Variants in FHIT observed in about 807,000 individuals in gnomAD.
FHIT encodes the protein fragile histidine triad diadenosine triphosphatase, also known as bis(5'-adenosyl)-triphosphatase.
In FHIT, 19 loss-of-function variants were observed where a neutral mutation model predicts 17.9. The ratio of observed to expected loss-of-function variants is 1.06; its 90% CI spans 0.74 to 1.56. The LOEUF (loss-of-function observed/expected upper bound fraction) is 1.56, where lower values mean the gene tolerates loss of function less well. Among genes scored for constraint, FHIT ranks in the 40% most tolerant of loss-of-function variants. The pLI is 0.00. For missense variants in FHIT, 248 were observed against 189.2 expected (o/e 1.31, Z -1.82); for synonymous variants, 81 against 69.7 (o/e 1.16, Z -0.81).
chr3:60,280,311 A>G (rs903454250), intron 5 of FHIT, among the ~76,000 whole-genome samples: 5 of 152,190 alleles, frequency 3.3e-5, no homozygotes, highest in African/African-American at 1.2e-4. Flanking sequence ...AGATCAGTGT[A>G]GTATAGTAGG....
intron 5 of FHIT, among the ~76,000 whole-genome samples, chr3:60,388,623 A>C (rs7635514): frequency 0.32 from 49,133 of 151,902 alleles, 8,260 homozygotes; most frequent in East Asian, 0.49. Flanking sequence ...ACCACACAAG[A>C]CCTAAACCTG....
intron 2 of FHIT, among the ~76,000 whole-genome samples, chr3:61,046,382 A>C (rs573705637): frequency 1.1e-4 from 17 of 152,324 alleles, no homozygotes; most frequent in African/African-American, 4.1e-4. Flanking sequence ...ATAAACTAGA[A>C]ACTCTAGAAG....
chr3:60,402,838 T>G (rs2107195371), intron 5 of FHIT, among the ~76,000 whole-genome samples: 1 of 152,328 alleles, frequency 6.6e-6, no homozygotes, highest in Admixed American at 6.5e-5. Context: ...ACATAGTAGA[T>G]GCTCAATCCA....
chr3:60,955,611 T>TATATATATATACATATATATAC (rs1709096132), intron 3 of FHIT, among the ~76,000 whole-genome samples: 1 of 16,896 alleles, frequency 5.9e-5, no homozygotes, highest in African/African-American at 1.2e-4. Flanking sequence ...TATATATATA[T>TATATATATATACATATATATAC]ATATATATAT....
At chr3:60,693,953 C>A (rs1577076541) in intron 4 of FHIT, among the ~76,000 whole-genome samples, 1 of 152,268 alleles carries the variant, frequency 6.6e-6, no homozygotes, top group East Asian at 1.9e-4. Flanking sequence ...GCATTTCCAC[C>A]ATTGCAAACA....
chr3:60,116,899 A>T lies in FHIT; in HGVS notation c.104-102747T>A, dbSNP rs1455434120. Among the ~76,000 whole-genome samples, 7 of 152,178 alleles carry T rather than the reference A, an allele frequency of 4.6e-5. No homozygotes were observed. In the East Asian group the frequency reaches 1.4e-3, roughly 29 times the overall value. On this transcript the variant is annotated intron_variant, in intron 5 of 9. Transcript: ENST00000492590. ...AAATTTCCCTTCTATTTTTTGAGTT[A>T]TTTACCGCTAACAATCTCCCCTCTA...
intron 4 of FHIT, among the ~76,000 whole-genome samples, chr3:60,657,488 A>G (rs868927212): frequency 3.9e-5 from 6 of 152,180 alleles, no homozygotes; most frequent in Non-Finnish European, 2.9e-5. Flanking sequence ...GGTGTCTGGC[A>G]GATAGTCAAT....
At chr3:61,155,604 T>C (rs2037514411) in intron 2 of FHIT, among the ~76,000 whole-genome samples, 1 of 152,232 alleles carries the variant, frequency 6.6e-6, no homozygotes, top group African/African-American at 2.4e-5. Context: ...TTTTTTCTTC[T>C]TCGTTGAAAT....
chr3:60,150,373 A>G (rs1374050713), intron 5 of FHIT, among the ~76,000 whole-genome samples: 1 of 152,132 alleles, frequency 6.6e-6, no homozygotes, highest in East Asian at 1.9e-4. Context: ...ATTGGAGTCA[A>G]TCACTGTTGC....
chr3:60,307,735 T>C (rs1708745066), intron 5 of FHIT, among the ~76,000 whole-genome samples: 1 of 152,090 alleles, frequency 6.6e-6, no homozygotes, highest in South Asian at 2.1e-4. Context: ...GAAGCCAGTG[T>C]TGACCCTGGA....
In FHIT at chr3:60,028,237, C is replaced by T. The variant is rs538872535; in HGVS notation, c.104-14085G>A. On this transcript the variant is annotated intron_variant, in intron 5 of 9. Coordinates refer to ENST00000492590, the MANE Select transcript of FHIT (RefSeq NM_002012.4). ...CTATTTAACTTTTGGCAACTATAGG[C>T]AGTCCTTCTCATGGTTCCAATATGC... is the stretch of plus-strand genomic sequence containing the variant. 1.0e-3 allele frequency among the ~76,000 whole-genome samples: 154 copies of T among 152,272 alleles called. 2 individuals carry two copies. Among genetic ancestry groups the T allele is most frequent in the Admixed American group, 3.9e-4 (6 of 15,298 alleles).
chr3:60,414,732 G>C (rs1289814623), intron 5 of FHIT, among the ~76,000 whole-genome samples: 2 of 152,140 alleles, frequency 1.3e-5, no homozygotes, highest in Non-Finnish European at 2.9e-5. Flanking sequence ...CAAACATAGA[G>C]CGTTCTGAGG....
At chr3:60,913,167 A>G (rs1706830425) in intron 3 of FHIT, among the ~76,000 whole-genome samples, 1 of 152,234 alleles carries the variant, frequency 6.6e-6, no homozygotes, top group African/African-American at 2.4e-5. Context: ...ACTTGAAGAA[A>G]ACACGACTTG....
chr3:59,996,639 G>A (rs1353810616), intron 7 of FHIT, among the ~76,000 whole-genome samples: 3 of 152,026 alleles, frequency 2.0e-5, no homozygotes, highest in Non-Finnish European at 4.4e-5. Flanking sequence ...AAGGGCTCCA[G>A]ACACCCTTTG....
intron 1 of FHIT, among the ~76,000 whole-genome samples, chr3:61,211,413 G>C (rs1023587860): frequency 1.3e-5 from 2 of 152,244 alleles, no homozygotes; most frequent in Non-Finnish European, 2.9e-5. Flanking sequence ...TAGCACAGCA[G>C]TCTGAGATCA....
intron 4 of FHIT, among the ~76,000 whole-genome samples, chr3:60,820,054 T>C (rs1305221850): frequency 2.0e-5 from 3 of 152,166 alleles, no homozygotes; most frequent in Non-Finnish European, 2.9e-5. Context: ...ACACCTGTAA[T>C]CCCTGCACTT....
intron 5 of FHIT, among the ~76,000 whole-genome samples, chr3:60,177,945 G>A (rs2107430318): frequency 6.6e-6 from 1 of 152,280 alleles, no homozygotes; most frequent in South Asian, 2.1e-4. Context: ...TGCCACATAG[G>A]ATTACAATCA....
rs761314894 is a variant in FHIT at position 59,814,074 on chromosome 3, A to ACACACACC, written c.349-61754_349-61753insGGTGTGTG. 1.2e-4 allele frequency among the ~76,000 whole-genome samples: 18 copies of ACACACACC among 151,746 alleles called. 1 individual carries two copies. In the South Asian group the frequency reaches 2.5e-3, roughly 21 times the overall value. On this transcript the variant is annotated intron_variant, in intron 8 of 9. Transcript: ENST00000492590. Reference sequence around the variant, plus strand: ...CACACACACACACACACACACACACACCCGACGGTGAATTATTCAGGGAGG... The same window carrying ACACACACC: ...CACACACACACACACACACACACACACACACACCCCCGACGGTGAATTATTCAGGGAGG...
chr3:60,980,738 C>T (rs373297742), intron 3 of FHIT, among the ~76,000 whole-genome samples: 36 of 152,262 alleles, frequency 2.4e-4, no homozygotes, highest in African/African-American at 8.2e-4. Context: ...AATGTGTGTG[C>T]CTCAATATAA....
Sources: gnomAD v4.1 joint callset for allele counts (sites outside exome capture counted in the v4.1 genomes callset) on GRCh38, gnomAD v4.1.1 for gene constraint, MANE v1.5 for transcripts, NCBI Gene and HGNC (gene_info 2026-07-23, HGNC 2026-07-21) for gene names.